Variants in KMT2E observed in about 807,000 individuals in gnomAD.
KMT2E encodes lysine methyltransferase 2E (inactive).
KMT2E carries 30 observed loss-of-function variants against 184.6 expected under a neutral mutation model. That is an observed-to-expected ratio of 0.16 (90% CI 0.12 to 0.22). KMT2E has a LOEUF of 0.22. KMT2E is among the 10% of genes least tolerant of loss of function. The pLI, the probability that KMT2E is intolerant of heterozygous loss-of-function variation, is 1.00. For missense variants in KMT2E, 2,023 were observed against 2,237.4 expected (o/e 0.90, Z 1.93); for synonymous variants, 815 against 776.5 (o/e 1.05, Z -0.82).
At position 105,109,264 on chromosome 7, in the gene KMT2E, A is replaced by G. The variant is rs778799658; in HGVS notation, c.3755+36A>G. 6.9e-6 allele frequency: 11 copies of G among 1,590,716 alleles called. 1 individual carries two copies. The highest frequency in any genetic ancestry group is 9.4e-6 in the Non-Finnish European group (11 of 1,165,406). On this transcript the variant is annotated intron_variant, in intron 23 of 26. Coordinates refer to ENST00000311117, the MANE Select transcript of KMT2E (RefSeq NM_182931.3). ...TGTGAAGTATGCTACTCTGGAAAAA[A>G]CAAGCTTTTGTTCAAGTATTCTTCC... is the stretch of plus-strand genomic sequence containing the variant.
chr7:105,081,338 C>G (rs545506804), intron 12 of KMT2E, among the ~76,000 whole-genome samples: 1 of 151,418 alleles, frequency 6.6e-6, no homozygotes, highest in Non-Finnish European at 1.5e-5. Flanking sequence ...GAGCCGAGAT[C>G]GCACCACTGC....
chr7:105,079,572 A>T (rs1443301619), intron 12 of KMT2E, among the ~76,000 whole-genome samples: 1 of 108,898 alleles, frequency 9.2e-6, no homozygotes, highest in African/African-American at 3.6e-5. Context: ...CCCAGGCTGG[A>T]GTGTGGTGTC....
rs142333661 is a variant in KMT2E, at chr7:105,105,520, A to G, written c.2278A>G (p.Ile760Val). The G allele has an allele frequency of 9.5e-5, 153 of 1,613,892 alleles. No homozygotes were observed. Among genetic ancestry groups the G allele is most frequent in the Middle Eastern group, 3.3e-4 (2 of 6,082 alleles). Residue 760 changes from isoleucine (I) to valine (V), a missense_variant, in exon 18 of 27, where the codon ATA becomes GTA. By Grantham distance (29) the Ile-to-Val change is conservative. Coordinates refer to ENST00000311117, the MANE Select transcript of KMT2E (RefSeq NM_182931.3). ...SDGLSERPLR[I>V]TTDPEVLATQ... Reference sequence around the variant, plus strand: ...TGGCCTTTCAGAAAGGCCTCTACGCATAACTACAGATCCTGAAGTGTTAGC... The same window carrying G: ...TGGCCTTTCAGAAAGGCCTCTACGCGTAACTACAGATCCTGAAGTGTTAGC...
chr7:105,028,457 A>C (rs548942503), intron 1 of KMT2E, among the ~76,000 whole-genome samples: 1 of 151,946 alleles, frequency 6.6e-6, no homozygotes, highest in Admixed American at 6.5e-5. Flanking sequence ...ATGAGCCATC[A>C]GCCCAGTCGA....
At chr7:105,029,030 C>T (rs975296054) in intron 1 of KMT2E, among the ~76,000 whole-genome samples, 3 of 152,028 alleles carry the variant, frequency 2.0e-5, no homozygotes, top group Non-Finnish European at 4.4e-5. Context: ...TTTGGGAGGA[C>T]GAGGTAGGTG....
intron 15 of KMT2E, among the ~76,000 whole-genome samples, chr7:105,097,956 TAACA>T (rs1054678875): frequency 1.1e-4 from 17 of 152,004 alleles, no homozygotes; most frequent in African/African-American, 3.9e-4. Context: ...GTAGAGGAAA[TAACA>T]AACGAGTATC....
intron 2 of KMT2E, among the ~76,000 whole-genome samples, chr7:105,039,931 A>G (rs1256964228): frequency 6.6e-6 from 1 of 152,178 alleles, no homozygotes; most frequent in Non-Finnish European, 1.5e-5. Flanking sequence ...ACTGTTATGT[A>G]GTGAATTTAA....
intron 13 of KMT2E, among the ~76,000 whole-genome samples, chr7:105,086,231 T>A (rs1797958267): frequency 6.6e-6 from 1 of 152,210 alleles, no homozygotes; most frequent in Non-Finnish European, 1.5e-5. Flanking sequence ...TGAACATGTC[T>A]GCATGTGTGT....
At chr7:105,043,332 G>T (rs1287240842) in intron 3 of KMT2E, among the ~76,000 whole-genome samples, 3 of 149,602 alleles carry the variant, frequency 2.0e-5, no homozygotes, top group Non-Finnish European at 1.5e-5. Flanking sequence ...CGCCTCCCGG[G>T]TTCATGCCAT....
At chr7:105,025,760 T>A (rs1173656763) in intron 1 of KMT2E, among the ~76,000 whole-genome samples, 3 of 152,176 alleles carry the variant, frequency 2.0e-5, no homozygotes. Context: ...GAGAACTGTT[T>A]AAACGCAAAC....
At chr7:105,105,319 G>T in intron 17 of KMT2E, 120 bp from the exon 18 acceptor site, 2 of 687,560 alleles carry the variant, frequency 2.9e-6, no homozygotes, top group Non-Finnish European at 4.7e-6. Flanking sequence ...ACATATGAAT[G>T]ATTTAAATTA....
intron 26 of KMT2E, 135 bp from the exon 27 acceptor site, chr7:105,111,690 A>G (rs1799289917): frequency 9.5e-7 from 1 of 1,055,706 alleles, no homozygotes; most frequent in Admixed American, 3.0e-5. Context: ...AAGCCTCCAT[A>G]ATTGACGTAT....
intron 1 of KMT2E, among the ~76,000 whole-genome samples, chr7:105,036,253 A>G (rs1326818979): frequency 2.0e-5 from 3 of 149,772 alleles, no homozygotes; most frequent in Non-Finnish European, 4.4e-5. Context: ...GCTCACTGCA[A>G]CCTCTGTCTC....
intron 7 of KMT2E, 22 bp downstream of exon 7, chr7:105,073,699 TA>T: frequency 1.4e-6 from 2 of 1,459,888 alleles, no homozygotes; most frequent in Non-Finnish European, 1.9e-6. Flanking sequence ...GGACCTACAC[TA>T]AATTAAAATT....
At chr7:105,033,272 T>G (rs952660789) in intron 1 of KMT2E, among the ~76,000 whole-genome samples, 12 of 152,238 alleles carry the variant, frequency 7.9e-5, no homozygotes, top group African/African-American at 2.9e-4. Context: ...CTACCAATGC[T>G]TAAAAAGAGT....
rs770393755 is a variant in KMT2E, at chr7:105,112,076, C to T, written c.4320C>T (p.His1440=). ...TGCCTTCTGTGCCAACAAAGTTGCA[C>T]TGTCCTCCATCACCTCACCTAGAAA... The part of the protein sequence containing the change: ...QKLPSVPTKL[H]CPPSPHLENP... Residue 1440 remains histidine (H), a synonymous_variant, in exon 27 of 27, where the codon CAC becomes CAT. Transcript: ENST00000311117. 3 of 1,614,082 alleles carry T rather than the reference C, an allele frequency of 1.9e-6. No individual in the cohort carries two copies. Among genetic ancestry groups the T allele is most frequent in the East Asian group, 2.2e-5 (1 of 44,898 alleles).
intron 9 of KMT2E, among the ~76,000 whole-genome samples, 171 bp downstream of exon 9, chr7:105,076,252 G>A (rs1353258006): frequency 6.6e-6 from 1 of 152,112 alleles, no homozygotes; most frequent in Non-Finnish European, 1.5e-5. Flanking sequence ...TACTACTCTT[G>A]TAGTTAACAC....
intron 13 of KMT2E, among the ~76,000 whole-genome samples, chr7:105,085,828 C>G (rs775794189): frequency 6.6e-6 from 1 of 152,048 alleles, no homozygotes; most frequent in Non-Finnish European, 1.5e-5. Flanking sequence ...GCCACCATGC[C>G]TGACTAATTT....
intron 1 of KMT2E, among the ~76,000 whole-genome samples, chr7:105,033,033 A>AT (rs1795491140): frequency 6.6e-6 from 1 of 152,128 alleles, no homozygotes; most frequent in Non-Finnish European, 1.5e-5. Flanking sequence ...TTCCCCTGGT[A>AT]TTTTTTTAAA....
Sources: allele counts gnomAD v4.1 joint callset (sites outside exome capture counted in the v4.1 genomes callset), GRCh38; gene constraint gnomAD v4.1.1; transcripts MANE v1.5; gene names NCBI Gene and HGNC (gene_info 2026-07-23, HGNC 2026-07-21).